Variants in ASIC2 observed in about 807,000 individuals in gnomAD.
ASIC2 encodes the protein acid-sensing ion channel 2.
Under a neutral mutation model 57.3 loss-of-function variants are expected in ASIC2, and 25 were observed. The observed-to-expected ratio is 0.44, with a 90% confidence interval of 0.32 to 0.61. ASIC2 has a LOEUF of 0.61. ASIC2 is among the 20% of genes least tolerant of loss of function. ASIC2 has a pLI of 0.06. For missense variants in ASIC2, 641 were observed against 738.1 expected, an observed-to-expected ratio of 0.87 and a Z score of 1.52; for synonymous variants, 319 against 307.5, an observed-to-expected ratio of 1.04 and a Z score of -0.39.
At chr17:33,443,895 A>G (rs1378828315) in intron 1 of ASIC2, among the ~76,000 whole-genome samples, 1 of 151,968 alleles carries the variant, frequency 6.6e-6, no homozygotes, top group Admixed American at 6.6e-5. Context: ...CAGTTTCTTA[A>G]AATATTATTT....
At chr17:33,556,408 G>A (rs2141980575) in intron 1 of ASIC2, among the ~76,000 whole-genome samples, 1 of 152,306 alleles carries the variant, frequency 6.6e-6, no homozygotes, top group Non-Finnish European at 1.5e-5. Flanking sequence ...CAGCACGTGG[G>A]AAAATCTGAG....
intron 1 of ASIC2, among the ~76,000 whole-genome samples, chr17:33,991,593 C>T (rs953548004): frequency 6.6e-6 from 1 of 152,162 alleles, no homozygotes; most frequent in Non-Finnish European, 1.5e-5. Context: ...GTCTGGCCTC[C>T]AGGGGACCAT....
chr17:33,685,338 G>T (rs1006771307), intron 1 of ASIC2, among the ~76,000 whole-genome samples: 2 of 152,074 alleles, frequency 1.3e-5, no homozygotes, highest in African/African-American at 4.8e-5. Context: ...GCCACCTCGC[G>T]CTCCTCCATC....
At chr17:34,011,013 GAT>G (rs1906706530) in intron 1 of ASIC2, among the ~76,000 whole-genome samples, 1 of 1,514 alleles carries the variant, frequency 6.6e-4, no homozygotes, top group African/African-American at 1.9e-3. Flanking sequence ...CACACACACA[GAT>G]GCCAAAGTCA....
chr17:33,506,831 C>T (rs1279566313), intron 1 of ASIC2, among the ~76,000 whole-genome samples: 19 of 152,268 alleles, frequency 1.2e-4, no homozygotes, highest in East Asian at 1.9e-4. Context: ...GCCTGGCAAG[C>T]GGCAGATGCT....
chr17:33,080,599 G>T (rs2092109333), intron 3 of ASIC2, among the ~76,000 whole-genome samples: 1 of 151,826 alleles, frequency 6.6e-6, no homozygotes, highest in South Asian at 2.1e-4. Flanking sequence ...TTATAAATTA[G>T]GCACAGTAAG....
At chr17:33,327,632 C>A (rs1907129159) in intron 1 of ASIC2, among the ~76,000 whole-genome samples, 1 of 152,110 alleles carries the variant, frequency 6.6e-6, no homozygotes, top group Non-Finnish European at 1.5e-5. Context: ...CATATATATT[C>A]AACGTAATAC....
At chr17:33,472,823 G>A (rs921420767) in intron 1 of ASIC2, among the ~76,000 whole-genome samples, 2 of 152,146 alleles carry the variant, frequency 1.3e-5, no homozygotes, top group Non-Finnish European at 2.9e-5. Context: ...TTGGTGGGGT[G>A]GTGGGGTTTT....
chr17:33,973,796 CG>C (rs35381377), intron 1 of ASIC2, among the ~76,000 whole-genome samples: 30,130 of 151,946 alleles, frequency 0.2, 3,223 homozygotes, highest in African/African-American at 0.26. Context: ...TCTGGGTAAG[CG>C]TATTTGCTGT....
chr17:33,490,187 G>T (rs1316659601), intron 1 of ASIC2, among the ~76,000 whole-genome samples: 1 of 152,034 alleles, frequency 6.6e-6, no homozygotes, highest in Non-Finnish European at 1.5e-5. Context: ...TTAGGTCATT[G>T]CTATAGAGAC....
At chr17:33,577,408 G>A (rs1281290789) in intron 1 of ASIC2, among the ~76,000 whole-genome samples, 1 of 152,148 alleles carries the variant, frequency 6.6e-6, no homozygotes, top group Non-Finnish European at 1.5e-5. Flanking sequence ...AAAGGAAGAG[G>A]AGCGGCGAGC....
At chr17:34,033,503 A>C (rs1907716832) in intron 1 of ASIC2, among the ~76,000 whole-genome samples, 1 of 152,222 alleles carries the variant, frequency 6.6e-6, no homozygotes, top group South Asian at 2.1e-4. Context: ...AAGGCAAAAA[A>C]TAACTAAGAT....
chr17:33,371,669 A>T (rs1909069444), intron 1 of ASIC2, among the ~76,000 whole-genome samples: 1 of 150,822 alleles, frequency 6.6e-6, no homozygotes, highest in African/African-American at 2.4e-5. Flanking sequence ...GTCTGAAAAC[A>T]CTCGCAAACT....
At chr17:34,007,919 A>G (rs1189839343) in intron 1 of ASIC2, among the ~76,000 whole-genome samples, 1 of 152,204 alleles carries the variant, frequency 6.6e-6, no homozygotes, top group Non-Finnish European at 1.5e-5. Flanking sequence ...TGTCTTACAT[A>G]GGAAGGCTCC....
chr17:33,474,936 A>C (rs865991530), intron 1 of ASIC2, among the ~76,000 whole-genome samples: 2 of 152,106 alleles, frequency 1.3e-5, no homozygotes, highest in Middle Eastern at 3.4e-3. Context: ...ATTGCGCTGC[A>C]CTCTCCAATT....
chr17:33,147,797 T>C (rs192552828), intron 1 of ASIC2, among the ~76,000 whole-genome samples: 3 of 152,320 alleles, frequency 2.0e-5, no homozygotes, highest in East Asian at 3.9e-4. Flanking sequence ...CCATCACTTT[T>C]AAATGCTTGC....
chr17:33,353,111 T>C (rs545620578), intron 1 of ASIC2, among the ~76,000 whole-genome samples: 19 of 152,358 alleles, frequency 1.2e-4, no homozygotes, highest in African/African-American at 4.3e-4. Context: ...AATAATTGTA[T>C]TGTGATTGAA....
chr17:33,264,216 G>A (rs1192920041), intron 1 of ASIC2, among the ~76,000 whole-genome samples: 3 of 152,200 alleles, frequency 2.0e-5, no homozygotes, highest in Non-Finnish European at 4.4e-5. Context: ...GTAGAGAAGC[G>A]CCCAGGATGG....
chr17:34,151,258 G>A (rs1904515732), intron 1 of ASIC2, among the ~76,000 whole-genome samples: 1 of 152,160 alleles, frequency 6.6e-6, no homozygotes, highest in Non-Finnish European at 1.5e-5. Context: ...TATTTAGCAT[G>A]ATGTATGCAG....
Sources: gnomAD v4.1 joint callset for allele counts (sites outside exome capture counted in the v4.1 genomes callset) on GRCh38, gnomAD v4.1.1 for gene constraint, MANE v1.5 for transcripts, NCBI Gene and HGNC (gene_info 2026-07-23, HGNC 2026-07-21) for gene names.